Variants in CAT observed in about 807,000 individuals in gnomAD.
The protein encoded by CAT is epididymis secretory sperm binding protein.
In CAT, 43 loss-of-function variants were observed where a neutral mutation model predicts 59.0. The observed-to-expected ratio is 0.73, with a 90% CI of 0.57 to 0.94. The LOEUF (loss-of-function observed/expected upper bound fraction) is 0.94, where lower values mean the gene tolerates loss of function less well. Ranked by LOEUF, CAT falls within the 40% of genes least tolerant of loss-of-function variation. The pLI is 0.00. For synonymous variants in CAT, 218 were observed against 230.9 expected, an observed-to-expected ratio of 0.94 and a Z score of 0.51; for missense variants, 664 against 682.9, an observed-to-expected ratio of 0.97 and a Z score of 0.31.
At chr11:34,467,044 A>G (rs17880673) in intron 10 of CAT, among the ~76,000 whole-genome samples, 1,576 of 152,298 alleles carry the variant, frequency 0.01, 33 homozygotes, top group African/African-American at 0.036. Flanking sequence ...AGGAAATCCA[A>G]TGAGAAATTA....
intron 5 of CAT, 97 bp from the exon 6 acceptor site, chr11:34,453,704 C>A: frequency 8.7e-7 from 1 of 1,149,282 alleles, no homozygotes; most frequent in Non-Finnish European, 1.3e-6. Context: ...TGTTTTATGT[C>A]ATTAAGGGAC....
At chr11:34,465,923 A>G (rs984682377) in intron 10 of CAT, among the ~76,000 whole-genome samples, 1 of 152,222 alleles carries the variant, frequency 6.6e-6, no homozygotes, top group Admixed American at 6.5e-5. Flanking sequence ...AGTGCAGGAA[A>G]AAAAAGTGCA....
chr11:34,465,650 C>T (rs4756148), intron 10 of CAT, among the ~76,000 whole-genome samples: 34,280 of 152,054 alleles, frequency 0.23, 4,293 homozygotes, highest in East Asian at 0.48. Context: ...TTTAAGTAAT[C>T]ACAATACTAT....
At position 34,438,954 on chromosome 11, in the gene CAT, G is replaced by A. The variant is rs1194710867; in HGVS notation, c.-60G>A. On this transcript the variant is annotated 5_prime_UTR_variant, in exon 1 of 13. Transcript: ENST00000241052. The stretch of plus-strand genomic sequence containing the variant: ...GGGGCAACAGGCAGATTTGCCTGCT[G>A]AGGGTGGAGACCCACGAGCCGAGGC... The A allele has an allele frequency of 6.9e-7, 1 of 1,450,874 alleles. No individual in the cohort carries two copies. The highest frequency in any genetic ancestry group is 9.5e-7 in the Non-Finnish European group (1 of 1,054,968). The allele number at this position is 1,450,874 out of a possible 1,614,324, so 89.9% of individuals were successfully genotyped here.
At position 34,452,107 on chromosome 11, in the gene CAT, G is replaced by A. The variant is rs752948472; in HGVS notation, c.380G>A (p.Arg127Gln). ...GAATCGGGTTCAGCTGACACAGTTC[G>A]GGACCCTCGTGGGTTTGCAGTGAAA... ...AGESGSADTV[R>Q]DPRGFAVKFY... The change falls in exon 4 of 13, where the codon CGG (arginine) becomes CAG (glutamine). Residue 127 changes from arginine (R) to glutamine (Q), a missense_variant. By Grantham distance (43) the Arg-to-Gln change is conservative. Coordinates refer to ENST00000241052, the MANE Select transcript of CAT (RefSeq NM_001752.4). 6.5e-5 allele frequency: 105 copies of A among 1,613,648 alleles called. No homozygotes were observed. Among genetic ancestry groups the A allele is most frequent in the Non-Finnish European group, 8.2e-5 (97 of 1,179,784 alleles).
At chr11:34,460,642 C>T (rs7109778) in intron 8 of CAT, 18,737 of 156,618 alleles carry the variant, frequency 0.12, 1,409 homozygotes, top group Admixed American at 0.2. Flanking sequence ...TTTGTAGAGA[C>T]AGGTCTCGCT....
At chr11:34,451,546 G>A (rs757922929) in intron 3 of CAT, among the ~76,000 whole-genome samples, 9 of 152,158 alleles carry the variant, frequency 5.9e-5, no homozygotes, top group Non-Finnish European at 1.0e-4. Context: ...TGTTTCTCAC[G>A]TTACAGAGAT....
chr11:34,443,161 C>T (rs1856412127), intron 1 of CAT, among the ~76,000 whole-genome samples: 1 of 152,126 alleles, frequency 6.6e-6, no homozygotes, highest in Non-Finnish European at 1.5e-5. Flanking sequence ...CTTCCACTTC[C>T]CAATTAGTTG....
At chr11:34,458,257 A>G (rs560410652) in intron 8 of CAT, among the ~76,000 whole-genome samples, 31 of 152,342 alleles carry the variant, frequency 2.0e-4, no homozygotes, top group African/African-American at 7.5e-4. Flanking sequence ...TGAAACTATA[A>G]ACAGTCACTC....
chr11:34,446,963 C>G (rs1369948752), intron 1 of CAT, among the ~76,000 whole-genome samples: 2 of 152,106 alleles, frequency 1.3e-5, no homozygotes, highest in Non-Finnish European at 2.9e-5. Flanking sequence ...AGGCTGGTCT[C>G]GAACTCCTGA....
At chr11:34,464,666 C>T (rs1220943882) in intron 10 of CAT, among the ~76,000 whole-genome samples, 4 of 151,890 alleles carry the variant, frequency 2.6e-5, no homozygotes, top group Admixed American at 6.6e-5. Context: ...CTGCAGGGCT[C>T]GTCCTTCACG....
At chr11:34,446,170 C>T (rs1042391363) in intron 1 of CAT, among the ~76,000 whole-genome samples, 8 of 152,116 alleles carry the variant, frequency 5.3e-5, no homozygotes, top group African/African-American at 1.9e-4. Context: ...GGGATCTTTT[C>T]CTTTCTAGTT....
intron 7 of CAT, 130 bp from the exon 8 acceptor site, chr11:34,456,535 T>A: frequency 1.1e-6 from 1 of 922,256 alleles, no homozygotes; most frequent in South Asian, 1.3e-5. Context: ...CATCTTAAAT[T>A]CTTATGTTTT....
chr11:34,440,837 A>G (rs923370789), intron 1 of CAT, among the ~76,000 whole-genome samples: 2 of 152,166 alleles, frequency 1.3e-5, no homozygotes, highest in African/African-American at 4.8e-5. Context: ...TACCGAGATT[A>G]CAGGTGTAAT....
At position 34,440,478 on chromosome 11, in the gene CAT, A is replaced by T. The variant is rs796816633; in HGVS notation, c.66+1399A>T. On this transcript the variant is annotated intron_variant, in intron 1 of 12. Transcript: ENST00000241052. ...AATCCTGGTTCACACTGAAGTTTTC[A>T]TGAATACTCGGTGAATTGAGAAAAG... 4.7e-4 allele frequency among the ~76,000 whole-genome samples: 72 copies of T among 152,346 alleles called. 1 individual carries two copies. Among genetic ancestry groups the T allele is most frequent in the African/African-American group, 1.5e-3 (63 of 41,580 alleles).
Position 34,452,089 on chromosome 11 carries a change from G to A in CAT, c.362G>A (p.Gly121Asp). The A allele has an allele frequency of 6.2e-7, 1 of 1,613,852 alleles. No homozygotes were observed. Among genetic ancestry groups the A allele is most frequent in the Non-Finnish European group, 8.5e-7 (1 of 1,179,810 alleles). Reference protein sequence around the residue: ...VRFSTVAGESGSADTVRDPRG... With the variant: ...VRFSTVAGESDSADTVRDPRG... ...TTGAATATTGTAGCTGGAGAATCGG[G>A]TTCAGCTGACACAGTTCGGGACCCT... Residue 121 changes from glycine (G) to aspartate (D), a missense_variant, in exon 4 of 13, where the codon GGT becomes GAT. By Grantham distance (94) the Gly-to-Asp change is moderately conservative (BLOSUM62 -1). Coordinates refer to ENST00000241052, the MANE Select transcript of CAT (RefSeq NM_001752.4).
At chr11:34,460,446 C>CT (rs149180752) in intron 8 of CAT, among the ~76,000 whole-genome samples, 4,747 of 84,532 alleles carry the variant, frequency 0.056, 572 homozygotes, top group African/African-American at 0.17. Context: ...GTGGGCGGTA[C>CT]TTTTTTTTTT....
At chr11:34,469,788 C>T (rs959821818) in intron 11 of CAT, among the ~76,000 whole-genome samples, 2 of 151,968 alleles carry the variant, frequency 1.3e-5, no homozygotes, top group Admixed American at 1.3e-4. Context: ...GCCTCAGCCT[C>T]CCCAGTAGCT....
intron 1 of CAT, among the ~76,000 whole-genome samples, chr11:34,445,950 T>C (rs1009620200): frequency 6.6e-6 from 1 of 152,234 alleles, no homozygotes; most frequent in Non-Finnish European, 1.5e-5. Context: ...TATTGATCTC[T>C]GGATTATTGA....
Sources: allele counts gnomAD v4.1 joint callset (sites outside exome capture counted in the v4.1 genomes callset), GRCh38; gene constraint gnomAD v4.1.1; transcripts MANE v1.5; gene names NCBI Gene and HGNC (gene_info 2026-07-23, HGNC 2026-07-21).